The following PCCA variants were observed in gnomAD, a reference collection of about 807,000 sequenced individuals.
PCCA encodes propionyl-CoA carboxylase subunit alpha.
A neutral mutation model predicts 101.3 loss-of-function variants in PCCA; 74 were observed. That is an observed-to-expected ratio of 0.73 (90% confidence interval 0.61 to 0.89). PCCA has a LOEUF of 0.89. Among genes scored for constraint, PCCA ranks in the 40% least tolerant of loss-of-function variants. PCCA has a pLI of 0.00. For synonymous variants in PCCA, 294 were observed against 313.6 expected, an observed-to-expected ratio of 0.94 and a Z score of 0.66; for missense variants, 891 against 907.0, an observed-to-expected ratio of 0.98 and a Z score of 0.23.
chr13:100,201,193 T>A (rs1300755224), intron 6 of PCCA, among the ~76,000 whole-genome samples: 1 of 152,154 alleles, frequency 6.6e-6, no homozygotes, highest in Non-Finnish European at 1.5e-5. Flanking sequence ...CTATAAGGTT[T>A]TATATATATA....
intron 19 of PCCA, among the ~76,000 whole-genome samples, chr13:100,404,770 C>T (rs550271928): frequency 3.9e-5 from 6 of 152,304 alleles, no homozygotes; most frequent in South Asian, 2.1e-4. Flanking sequence ...ACCCACGTAA[C>T]GCCCTATCTC....
At chr13:100,292,591 G>A (rs2152661731) in intron 12 of PCCA, among the ~76,000 whole-genome samples, 1 of 152,122 alleles carries the variant, frequency 6.6e-6, no homozygotes, top group East Asian at 1.9e-4. Flanking sequence ...TCTTACTGTT[G>A]TCATTATTAT....
At chr13:100,468,296 A>G (rs1369587766) in intron 21 of PCCA, among the ~76,000 whole-genome samples, 1 of 152,182 alleles carries the variant, frequency 6.6e-6, no homozygotes, top group East Asian at 1.9e-4. Flanking sequence ...ATGGTAAGTG[A>G]GCACTGGCTT....
intron 18 of PCCA, among the ~76,000 whole-genome samples, chr13:100,358,645 A>T (rs1316921220): frequency 6.6e-6 from 1 of 152,182 alleles, no homozygotes; most frequent in African/African-American, 2.4e-5. Flanking sequence ...AGAAGAATAG[A>T]GATTATGCAA....
chr13:100,166,392 G>T (rs1228971297), intron 6 of PCCA, among the ~76,000 whole-genome samples: 1 of 152,114 alleles, frequency 6.6e-6, no homozygotes, highest in East Asian at 1.9e-4. Flanking sequence ...TCCGCCTCCT[G>T]GGCTCAAGTA....
intron 6 of PCCA, among the ~76,000 whole-genome samples, chr13:100,203,700 A>T (rs1221066008): frequency 2.6e-5 from 4 of 152,282 alleles, no homozygotes; most frequent in East Asian, 1.9e-4. Context: ...AACAAAAAAA[A>T]TTATGTTGGA....
At chr13:100,444,671 G>A (rs536107402) in intron 20 of PCCA, among the ~76,000 whole-genome samples, 5 of 152,122 alleles carry the variant, frequency 3.3e-5, no homozygotes, top group Admixed American at 3.3e-4. Context: ...TCAATCTCCT[G>A]ACCTGGTGAT....
chr13:100,188,686 G>T (rs2057508792), intron 6 of PCCA, among the ~76,000 whole-genome samples: 1 of 152,158 alleles, frequency 6.6e-6, no homozygotes, highest in East Asian at 1.9e-4. Context: ...CAGTGTAAAA[G>T]TGTTCCCTTT....
intron 7 of PCCA, among the ~76,000 whole-genome samples, chr13:100,232,800 A>G (rs1294023702): frequency 6.6e-6 from 1 of 152,100 alleles, no homozygotes; most frequent in East Asian, 1.9e-4. Flanking sequence ...TCTATGTAAC[A>G]TTTATTTTAG....
At chr13:100,133,330 C>A (rs2050750099) in intron 4 of PCCA, among the ~76,000 whole-genome samples, 1 of 152,156 alleles carries the variant, frequency 6.6e-6, no homozygotes, top group African/African-American at 2.4e-5. Context: ...CAAATAGTTT[C>A]TTCCAGTTGG....
At chr13:100,348,906 C>CTT (rs759926389) in intron 18 of PCCA, among the ~76,000 whole-genome samples, 1 of 58,434 alleles carries the variant, frequency 1.7e-5, no homozygotes, top group African/African-American at 4.8e-5. Flanking sequence ...TCCTTCCTTC[C>CTT]TTCCTTTCTT....
chr13:100,179,089 A>AT (rs1170101021), intron 6 of PCCA, among the ~76,000 whole-genome samples: 162 of 105,408 alleles, frequency 1.5e-3, no homozygotes, highest in Middle Eastern at 0.01. Context: ...AAAAAAAAAA[A>AT]AAATATATAT....
Position 100,278,823 on chromosome 13 carries a change from C to G in PCCA, c.1065+5477C>G, listed in dbSNP as rs578175626. Among the ~76,000 whole-genome samples the G allele has an allele frequency of 1.7e-4, 26 of 152,238 alleles. No individual in the cohort carries two copies. The South Asian group carries it at 5.2e-3, about 30-fold the overall frequency. On this transcript the variant is annotated intron_variant, in intron 12 of 23. Coordinates refer to ENST00000376285, the MANE Select transcript of PCCA (RefSeq NM_000282.4). Reference sequence around the variant, plus strand: ...AATAATTCTATGCAGTTGGTCAAGACTATCTAAGTACCTATGTTTTGTGTA... The same window carrying G: ...AATAATTCTATGCAGTTGGTCAAGAGTATCTAAGTACCTATGTTTTGTGTA...
At chr13:100,398,425 C>T (rs1237911370) in intron 19 of PCCA, among the ~76,000 whole-genome samples, 5 of 152,132 alleles carry the variant, frequency 3.3e-5, no homozygotes, top group Admixed American at 2.0e-4. Flanking sequence ...AAAAAATATA[C>T]GCACTTGCTA....
intron 22 of PCCA, among the ~76,000 whole-genome samples, chr13:100,525,971 C>T (rs558393818): frequency 7.7e-4 from 117 of 152,308 alleles, no homozygotes; most frequent in African/African-American, 2.3e-3. Flanking sequence ...AGAGAGTCCC[C>T]GGTCCTGTTG....
intron 21 of PCCA, among the ~76,000 whole-genome samples, chr13:100,495,762 T>C (rs2085228972): frequency 6.6e-6 from 1 of 152,336 alleles, no homozygotes; most frequent in East Asian, 1.9e-4. Flanking sequence ...CTACACGCTT[T>C]TAATCCTACA....
intron 19 of PCCA, among the ~76,000 whole-genome samples, chr13:100,407,717 A>G (rs1183878380): frequency 6.6e-6 from 1 of 152,240 alleles, no homozygotes; most frequent in Non-Finnish European, 1.5e-5. Context: ...TAACCTAGAC[A>G]AAAATTTATA....
Position 100,262,780 on chromosome 13 carries a change from T to C in PCCA, c.768T>C (p.Asp256=), listed in dbSNP as rs1239656926. ...AAGCTGCTTCTAGTTTTGGCGATGA[T>C]AGACTACTAATAGAAAAATTTATTG... The part of the protein sequence containing the change: ...SQEAASSFGD[D]RLLIEKFIDN... Residue 256 remains aspartate (D), a synonymous_variant, in exon 10 of 24, where the codon GAT becomes GAC. Coordinates refer to ENST00000376285, the MANE Select transcript of PCCA (RefSeq NM_000282.4). The C allele has an allele frequency of 1.7e-5, 27 of 1,589,448 alleles. No individual in the cohort carries two copies. Among genetic ancestry groups the C allele is most frequent in the Non-Finnish European group, 1.7e-5 (20 of 1,158,904 alleles).
At chr13:100,174,495 A>G (rs1289412432) in intron 6 of PCCA, among the ~76,000 whole-genome samples, 2 of 149,600 alleles carry the variant, frequency 1.3e-5, no homozygotes, top group African/African-American at 5.0e-5. Flanking sequence ...GGGGAGGCCA[A>G]ATCAGGCAGA....
Sources: gnomAD v4.1 joint callset for allele counts (sites outside exome capture counted in the v4.1 genomes callset) on GRCh38, gnomAD v4.1.1 for gene constraint, MANE v1.5 for transcripts, NCBI Gene and HGNC (gene_info 2026-07-23, HGNC 2026-07-21) for gene names.